ASCC1: variants seen among roughly 807,000 people sequenced by gnomAD.
ASCC1 encodes the protein ASC-1 complex subunit P50.
In ASCC1, 35 loss-of-function variants were observed where a neutral mutation model predicts 46.6. That is an observed-to-expected ratio of 0.75 (90% confidence interval 0.57 to 0.99). The LOEUF (loss-of-function observed/expected upper bound fraction) is 0.99. Ranked by LOEUF, ASCC1 falls within the 50% of genes least tolerant of loss-of-function variation. The pLI is 0.00. For synonymous variants in ASCC1, 143 were observed against 146.6 expected (o/e 0.98, Z 0.18); for missense variants, 376 against 428.7 (o/e 0.88, Z 1.09).
intron 6 of ASCC1, among the ~76,000 whole-genome samples, chr10:72,161,008 A>G (rs1343337289): frequency 3.3e-5 from 5 of 152,138 alleles, no homozygotes; most frequent in Non-Finnish European, 7.4e-5. Context: ...GCGAGAACCC[A>G]GCAGGCAGAG....
chr10:72,143,632 T>C (rs1023261248), intron 7 of ASCC1, among the ~76,000 whole-genome samples: 12 of 148,448 alleles, frequency 8.1e-5, no homozygotes, highest in Admixed American at 4.8e-4. Flanking sequence ...TAGTATGTAA[T>C]CATTTTTTTT....
intron 9 of ASCC1, among the ~76,000 whole-genome samples, chr10:72,103,652 C>T (rs1167301715): frequency 1.3e-5 from 2 of 152,088 alleles, no homozygotes; most frequent in African/African-American, 2.4e-5. Flanking sequence ...CTATGAAGGC[C>T]GTCCTGTGAC....
At chr10:72,112,989 C>T (rs774252709) in intron 9 of ASCC1, among the ~76,000 whole-genome samples, 85 of 150,864 alleles carry the variant, frequency 5.6e-4, no homozygotes, top group Non-Finnish European at 9.3e-4. Flanking sequence ...GAAATGAACA[C>T]ATAAAAAAGA....
intron 3 of ASCC1, among the ~76,000 whole-genome samples, chr10:72,207,654 G>C (rs995743955): frequency 3.3e-5 from 5 of 152,098 alleles, no homozygotes; most frequent in Non-Finnish European, 5.9e-5. Flanking sequence ...TTCCCCAGAT[G>C]ATTCTCCTGT....
At chr10:72,195,055 T>G (rs1855155589) in intron 5 of ASCC1, among the ~76,000 whole-genome samples, 1 of 152,004 alleles carries the variant, frequency 6.6e-6, no homozygotes, top group African/African-American at 2.4e-5. Flanking sequence ...ATTATGTTAT[T>G]TTAGTCATCA....
chr10:72,126,004 C>T (rs577154541), intron 9 of ASCC1, among the ~76,000 whole-genome samples: 6 of 152,172 alleles, frequency 3.9e-5, no homozygotes, highest in East Asian at 1.9e-4. Flanking sequence ...TAACTAGCTA[C>T]GGTTTTAGAC....
chr10:72,114,413 C>T, intron 9 of ASCC1, among the ~76,000 whole-genome samples: 1 of 152,102 alleles, frequency 6.6e-6, no homozygotes. Context: ...ATCACGAGGT[C>T]AGGAGATCGA....
chr10:72,164,328 T>G (rs2132726290), intron 5 of ASCC1, among the ~76,000 whole-genome samples: 2 of 152,266 alleles, frequency 1.3e-5, no homozygotes, highest in East Asian at 3.9e-4. Context: ...GACCTCTAGT[T>G]TGCTTTTTGT....
intron 9 of ASCC1, among the ~76,000 whole-genome samples, chr10:72,105,359 G>T (rs952817604): frequency 1.3e-5 from 2 of 152,192 alleles, no homozygotes; most frequent in Non-Finnish European, 2.9e-5. Flanking sequence ...GCCTGCTTCT[G>T]CCAGCACCCA....
At chr10:72,179,064 T>C (rs1023422805) in intron 5 of ASCC1, among the ~76,000 whole-genome samples, 3 of 152,138 alleles carry the variant, frequency 2.0e-5, no homozygotes, top group Non-Finnish European at 4.4e-5. Flanking sequence ...GAAGAGTATA[T>C]GATTTGAATA....
At chr10:72,127,388 T>G (rs576533630) in intron 9 of ASCC1, among the ~76,000 whole-genome samples, 1 of 152,320 alleles carries the variant, frequency 6.6e-6, no homozygotes, top group South Asian at 2.1e-4. Flanking sequence ...TACTTACATT[T>G]CATAGATTAA....
At chr10:72,118,754 G>A (rs186188512) in intron 9 of ASCC1, among the ~76,000 whole-genome samples, 450 of 151,554 alleles carry the variant, frequency 3.0e-3, no homozygotes, top group Admixed American at 4.8e-3. Context: ...ACTCCAGCCT[G>A]GGCAACAAGA....
intron 6 of ASCC1, among the ~76,000 whole-genome samples, chr10:72,154,921 C>T (rs1441018999): frequency 2.0e-5 from 3 of 151,982 alleles, no homozygotes; most frequent in African/African-American, 4.8e-5. Flanking sequence ...ATAAACTATA[C>T]ATGTGACTAA....
chr10:72,187,458 C>T (rs984721034), intron 5 of ASCC1, among the ~76,000 whole-genome samples: 2 of 151,966 alleles, frequency 1.3e-5, no homozygotes, highest in Admixed American at 6.6e-5. Context: ...CGGTGGCTCA[C>T]GCCTGTAATC....
intron 7 of ASCC1, among the ~76,000 whole-genome samples, chr10:72,147,209 A>G (rs1847740564): frequency 6.6e-6 from 1 of 151,840 alleles, no homozygotes; most frequent in African/African-American, 2.4e-5. Flanking sequence ...TTATCCAAAA[A>G]TGTTCTTGGT....
chr10:72,180,482 C>G (rs1250736792), intron 5 of ASCC1, among the ~76,000 whole-genome samples: 1 of 151,824 alleles, frequency 6.6e-6, no homozygotes, highest in East Asian at 1.9e-4. Flanking sequence ...AAAAATTAGC[C>G]AAGTGTGGTG....
chr10:72,163,814 A>G (rs12244110), intron 5 of ASCC1, among the ~76,000 whole-genome samples: 19,959 of 152,026 alleles, frequency 0.13, 4,144 homozygotes, highest in African/African-American at 0.44. Context: ...GGTGAAATTC[A>G]CATAATATAA....
At chr10:72,134,378 G>T (rs1167976629) in intron 7 of ASCC1, 4 of 152,294 alleles carry the variant, frequency 2.6e-5, no homozygotes, top group African/African-American at 7.2e-5. Context: ...AGGCTGCAGT[G>T]AGCTGTGATT....
intron 6 of ASCC1, among the ~76,000 whole-genome samples, chr10:72,153,859 C>G (rs895354902): frequency 6.6e-6 from 1 of 151,978 alleles, no homozygotes; most frequent in Non-Finnish European, 1.5e-5. Flanking sequence ...GTAGCTGGGA[C>G]TACAGGCACC....
Sources: allele counts gnomAD v4.1 joint callset (sites outside exome capture counted in the v4.1 genomes callset), GRCh38; gene constraint gnomAD v4.1.1; transcripts MANE v1.5; gene names NCBI Gene and HGNC (gene_info 2026-07-23, HGNC 2026-07-21).